The following USF3 variants were observed in gnomAD, a reference collection of about 807,000 sequenced individuals.
USF3 encodes the protein upstream transcription factor family member 3, also known as basic helix-loop-helix domain-containing protein USF3.
A neutral mutation model predicts 157.5 loss-of-function variants in USF3; 29 were observed. The observed-to-expected ratio is 0.18, with a 90% CI of 0.14 to 0.25. The LOEUF is 0.25. Ranked by LOEUF, USF3 falls within the 10% of genes least tolerant of loss-of-function variation. USF3 has a pLI of 1.00. For synonymous variants in USF3, 893 were observed against 941.4 expected (o/e 0.95, Z 0.94); for missense variants, 2,381 against 2,667.6 (o/e 0.89, Z 2.37).
Position 113,660,481 on chromosome 3 carries a change from A to G in USF3, c.1201T>C (p.Ser401Pro). The G allele has an allele frequency of 6.2e-7, 1 of 1,614,184 alleles. No homozygotes were observed. Among genetic ancestry groups the G allele is most frequent in the Non-Finnish European group, 8.5e-7 (1 of 1,180,046 alleles). ...ACACTTGAAGAAGGCAAAGAACAAG[A>G]AAGAGTCCAACCATTGTCCAAAGGG... ...GNPLDNGWTL[S>P]CSLPSSSVST... is the part of the protein sequence containing the mutation. Residue 401 changes from serine to proline, a missense_variant, in exon 7 of 7, where the codon TCT becomes CCT. Ser to Pro is a moderately conservative substitution (Grantham distance 74, BLOSUM62 -1). Coordinates refer to ENST00000316407, the MANE Select transcript of USF3 (RefSeq NM_001009899.4).
At chr3:113,671,663 T>C (rs186401703) in intron 4 of USF3, among the ~76,000 whole-genome samples, 206 of 152,298 alleles carry the variant, frequency 1.4e-3, no homozygotes, top group African/African-American at 4.8e-3. Flanking sequence ...TTCAGTAGCA[T>C]GGGTGTGACG....
Position 113,650,659 on chromosome 3 carries a change from T to C in USF3, c.*4285A>G, listed in dbSNP as rs961402655. 2.0e-5 allele frequency: 3 copies of C among 152,250 alleles called. No individual in the cohort carries two copies. The highest frequency in any genetic ancestry group is 1.3e-4 in the Admixed American group (2 of 15,284). 9.4% of individuals were successfully genotyped at this position (152,250 alleles called of 1,614,324 possible). Reference sequence around the variant, plus strand: ...TGGAGTATAAGTTTTAGCCTCTCCATGAAATGGCTAATGTTAGAAGGCAAG... The same window carrying C: ...TGGAGTATAAGTTTTAGCCTCTCCACGAAATGGCTAATGTTAGAAGGCAAG... On this transcript the variant is annotated 3_prime_UTR_variant, in exon 7 of 7. Transcript: ENST00000316407.
At chr3:113,671,668 G>A (rs1194819490) in intron 4 of USF3, among the ~76,000 whole-genome samples, 1 of 151,874 alleles carries the variant, frequency 6.6e-6, no homozygotes, top group Non-Finnish European at 1.5e-5. Flanking sequence ...TAGCATGGGT[G>A]TGACGTGTTT....
chr3:113,680,053 C>CTTTT (rs71131103), intron 1 of USF3, among the ~76,000 whole-genome samples: 1,369 of 58,578 alleles, frequency 0.023, 4 homozygotes, highest in Non-Finnish European at 0.027. Context: ...CTGTAGTTTT[C>CTTTT]TTTTTTTTTT....
At chr3:113,688,770 G>A (rs1707616468) in intron 1 of USF3, among the ~76,000 whole-genome samples, 1 of 152,226 alleles carries the variant, frequency 6.6e-6, no homozygotes, top group Non-Finnish European at 1.5e-5. Context: ...GCTGGGCGCG[G>A]TGGCTCACGC....
At chr3:113,694,716 A>G (rs527895834) in intron 1 of USF3, among the ~76,000 whole-genome samples, 2 of 152,246 alleles carry the variant, frequency 1.3e-5, no homozygotes, top group Non-Finnish European at 2.9e-5. Flanking sequence ...GTAAATAAAT[A>G]TCACACACAA....
intron 4 of USF3, among the ~76,000 whole-genome samples, chr3:113,671,316 A>T (rs1367638102): frequency 1.3e-5 from 2 of 152,220 alleles, no homozygotes; most frequent in Non-Finnish European, 2.9e-5. Context: ...TTTGGAATAG[A>T]AACAGCTATT....
Position 113,649,936 on chromosome 3 carries a change from G to T in USF3, c.*5008C>A. 1 of 688,806 alleles carries T rather than the reference G, an allele frequency of 1.5e-6. No individual in the cohort carries two copies. The highest frequency in any genetic ancestry group is 2.6e-6 in the Non-Finnish European group (1 of 379,688). The allele number at this position is 688,806 out of a possible 1,614,324, so 42.7% of individuals were successfully genotyped here. A position where few individuals can be genotyped will look rare whatever the true frequency, so the allele number is the denominator to read the frequency against. On this transcript the variant is annotated 3_prime_UTR_variant, in exon 7 of 7. Transcript: ENST00000316407. ...TTCAAACCCTGGGGAAAGAAAAATGGTAATGTTCAGCCAAAAAGGCATCTT... is the reference window on the plus strand; with the variant it reads ...TTCAAACCCTGGGGAAAGAAAAATGTTAATGTTCAGCCAAAAAGGCATCTT...
chr3:113,684,539 ATT>A (rs1003146670), intron 1 of USF3, among the ~76,000 whole-genome samples: 1 of 151,568 alleles, frequency 6.6e-6, no homozygotes, highest in African/African-American at 2.4e-5. Flanking sequence ...CATGCTTCAT[ATT>A]TTTTTTCTTT....
chr3:113,682,714 T>A (rs1456268782), intron 1 of USF3, among the ~76,000 whole-genome samples: 1 of 152,208 alleles, frequency 6.6e-6, no homozygotes, highest in Non-Finnish European at 1.5e-5. Flanking sequence ...TATATAATGA[T>A]GTTGTCTTTT....
chr3:113,664,206 T>C (rs994594120), intron 6 of USF3, 107 bp downstream of exon 6: 7 of 646,042 alleles, frequency 1.1e-5, no homozygotes, highest in African/African-American at 5.5e-5. Flanking sequence ...GTCTTAATAA[T>C]GTTTTGGGGC....
chr3:113,692,373 T>A (rs1390742837), intron 1 of USF3, among the ~76,000 whole-genome samples: 1 of 152,140 alleles, frequency 6.6e-6, no homozygotes, highest in African/African-American at 2.4e-5. Flanking sequence ...AATACAAATA[T>A]GTAAAAAATT....
chr3:113,681,316 C>T (rs545768177), intron 1 of USF3, among the ~76,000 whole-genome samples: 3 of 151,978 alleles, frequency 2.0e-5, no homozygotes, highest in Non-Finnish European at 2.9e-5. Context: ...GTGCTTTCCT[C>T]TTATTACCAC....
chr3:113,695,133 C>T (rs539325958), intron 1 of USF3, among the ~76,000 whole-genome samples: 4 of 152,330 alleles, frequency 2.6e-5, no homozygotes, highest in African/African-American at 9.6e-5. Context: ...AAAAGCTTGG[C>T]TTAGGCTAAA....
At position 113,648,837 on chromosome 3, in the gene USF3, A is replaced by T. The variant is rs1947210534; in HGVS notation, c.*6107T>A. On this transcript the variant is annotated 3_prime_UTR_variant, in exon 7 of 7. Transcript: ENST00000316407. ...GTATCTATAAATAATTTGTGAAGGT[A>T]ATTATGTTCTCCTCAGATTTTTCAA... is the stretch of plus-strand genomic sequence containing the variant. The T allele has an allele frequency of 6.6e-6, 1 of 152,448 alleles. No individual in the cohort carries two copies. Among genetic ancestry groups the T allele is most frequent in the African/African-American group, 2.4e-5 (1 of 41,414 alleles). 9.4% of individuals were successfully genotyped at this position (152,448 alleles called of 1,614,324 possible).
In USF3 at chr3:113,651,496, G is replaced by C. The variant is rs944433190; in HGVS notation, c.*3448C>G. ...GCTTCCCTGAGCCCTATTTCACATGGAGCAGGCCAAGAATAAGGTTACGTT... is the reference window on the plus strand; with the variant it reads ...GCTTCCCTGAGCCCTATTTCACATGCAGCAGGCCAAGAATAAGGTTACGTT... On this transcript the variant is annotated 3_prime_UTR_variant, in exon 7 of 7. Transcript: ENST00000316407. 2 of 152,168 alleles carry C rather than the reference G, an allele frequency of 1.3e-5. No individual in the cohort carries two copies. The highest frequency in any genetic ancestry group is 2.9e-5 in the Non-Finnish European group (2 of 68,044). 9.4% of individuals were successfully genotyped at this position (152,168 alleles called of 1,614,324 possible). A position where few individuals can be genotyped will look rare whatever the true frequency, so the allele number is the denominator to read the frequency against.
At chr3:113,686,880 T>G (rs1376844850) in intron 1 of USF3, among the ~76,000 whole-genome samples, 1 of 152,200 alleles carries the variant, frequency 6.6e-6, no homozygotes, top group African/African-American at 2.4e-5. Flanking sequence ...TTCCTCAAAT[T>G]TCCTGTTAAC....
In USF3 at chr3:113,648,910, ATAT is replaced by A. The variant is rs1947212470; in HGVS notation, c.*6031_*6033del. ...TATATATATATATGTATATATATTT[ATAT>A]AGCCTGCTGAAAGTGGAAGCGAATC... On this transcript the variant is annotated 3_prime_UTR_variant, in exon 7 of 7. Coordinates refer to ENST00000316407, the MANE Select transcript of USF3 (RefSeq NM_001009899.4). 6.6e-6 allele frequency: 1 copy of A among 152,260 alleles called. No individual in the cohort carries two copies. The highest frequency in any genetic ancestry group is 1.5e-5 in the Non-Finnish European group (1 of 67,968). The allele number at this position is 152,260 out of a possible 1,614,324, so 9.4% of individuals were successfully genotyped here. A position where few individuals can be genotyped will look rare whatever the true frequency, so the allele number is the denominator to read the frequency against.
At chr3:113,693,192 A>G (rs1707723670) in intron 1 of USF3, among the ~76,000 whole-genome samples, 2 of 152,214 alleles carry the variant, frequency 1.3e-5, no homozygotes, top group Admixed American at 1.3e-4. Context: ...AGTAATCACA[A>G]ATACAATGTT....
Sources: gnomAD v4.1 joint callset for allele counts (sites outside exome capture counted in the v4.1 genomes callset) on GRCh38, gnomAD v4.1.1 for gene constraint, MANE v1.5 for transcripts, NCBI Gene and HGNC (gene_info 2026-07-23, HGNC 2026-07-21) for gene names.